Variants in USP2 observed in about 807,000 individuals in gnomAD.
USP2 encodes ubiquitin carboxyl-terminal hydrolase 2.
USP2 carries 33 observed loss-of-function variants against 72.0 expected under a neutral mutation model. The observed-to-expected ratio is 0.46, with a 90% CI of 0.35 to 0.61. The LOEUF (loss-of-function observed/expected upper bound fraction) is 0.61. Among genes scored for constraint, USP2 ranks in the 20% least tolerant of loss-of-function variants. USP2 has a pLI of 0.01. For synonymous variants in USP2, 296 were observed against 312.5 expected (o/e 0.95, Z 0.56); for missense variants, 691 against 797.8 (o/e 0.87, Z 1.61).
chr11:119,376,875 G>A (rs955366338), intron 1 of USP2, among the ~76,000 whole-genome samples: 1 of 152,264 alleles, frequency 6.6e-6, no homozygotes, highest in Non-Finnish European at 1.5e-5. Flanking sequence ...TCTTCTAGAT[G>A]TGCTTCATAC....
intron 2 of USP2, among the ~76,000 whole-genome samples, chr11:119,365,623 C>A (rs1950841767): frequency 6.6e-6 from 1 of 152,228 alleles, no homozygotes; most frequent in Non-Finnish European, 1.5e-5. Context: ...CATCACTCTT[C>A]TGTCCTGAAA....
In USP2 at chr11:119,358,023, C is replaced by A. The variant is rs1480440144; in HGVS notation, c.1380G>T (p.Arg460Ser). 7 of 1,614,162 alleles carry A rather than the reference C, an allele frequency of 4.3e-6. No individual in the cohort carries two copies. Among genetic ancestry groups the A allele is most frequent in the Non-Finnish European group, 5.9e-6 (7 of 1,180,042 alleles). The change falls in exon 9 of 13, where the codon AGG becomes AGT. Residue 460 changes from arginine to serine, a missense_variant. By Grantham distance (110) the Arg-to-Ser change is moderately radical. Transcript: ENST00000260187. Reference sequence around the variant, plus strand: ...CAAGCACATCCTCTTTGGTGAAGAGCCTCATGCAGTCCATTAATGTCACCT... The same window carrying A: ...CAAGCACATCCTCTTTGGTGAAGAGACTCATGCAGTCCATTAATGTCACCT... The part of the protein sequence containing the change: ...YPEVTLMDCM[R>S]LFTKEDVLDG...
intron 6 of USP2, 65 bp from the exon 7 acceptor site, chr11:119,358,902 T>C: frequency 3.8e-6 from 6 of 1,597,876 alleles, no homozygotes; most frequent in Non-Finnish European, 4.3e-6. Flanking sequence ...GGTCTGTCAA[T>C]TTTGATCCTT....
chr11:119,359,883 C>T (rs1359036770), intron 3 of USP2, among the ~76,000 whole-genome samples: 3 of 152,172 alleles, frequency 2.0e-5, no homozygotes, highest in Non-Finnish European at 4.4e-5. Flanking sequence ...TAGAGGTGCA[C>T]AAAAGGGCGT....
At chr11:119,378,593 A>T (rs945463077) in intron 1 of USP2, among the ~76,000 whole-genome samples, 1 of 152,130 alleles carries the variant, frequency 6.6e-6, no homozygotes, top group African/African-American at 2.4e-5. Flanking sequence ...AAGAGACTGG[A>T]GATTAAGGCA....
intron 1 of USP2, among the ~76,000 whole-genome samples, chr11:119,374,698 G>A (rs953601502): frequency 1.3e-5 from 2 of 152,170 alleles, no homozygotes; most frequent in African/African-American, 4.8e-5. Flanking sequence ...GAGCTGGAGT[G>A]GCAGAGGAGC....
At chr11:119,362,720 G>A (rs2135393790) in intron 2 of USP2, among the ~76,000 whole-genome samples, 2 of 152,334 alleles carry the variant, frequency 1.3e-5, no homozygotes, top group South Asian at 4.1e-4. Context: ...AACTGCAGAA[G>A]GTGGGAGACC....
In USP2 at chr11:119,363,046, G is replaced by A. The variant is rs116393325; in HGVS notation, c.775-2812C>T. Reference sequence around the variant, plus strand: ...CCGAGGTTTGTGTCTTCACACTTGAGACCCCAATCAAGGGCTTTCCCGCCT... The same window carrying A: ...CCGAGGTTTGTGTCTTCACACTTGAAACCCCAATCAAGGGCTTTCCCGCCT... On this transcript the variant is annotated intron_variant, in intron 2 of 12. Transcript: ENST00000260187. Among the ~76,000 whole-genome samples the A allele has an allele frequency of 3.1e-3, 472 of 152,342 alleles. 6 individuals carry two copies. The highest frequency in any genetic ancestry group is 0.011 in the African/African-American group (460 of 41,584).
chr11:119,376,268 A>G lies in USP2; in HGVS notation c.-41-2747T>C, dbSNP rs188587324. 1.6e-3 allele frequency: 1,535 copies of G among 985,646 alleles called. 15 individuals carry two copies. The African/African-American group carries it at 0.025, about 16-fold the overall frequency. The allele number at this position is 985,646 out of a possible 1,614,324, so 61.1% of individuals were successfully genotyped here. Reference sequence around the variant, plus strand: ...GGCCACAGAATGCACTATGGGCAGGAGAGCGGGCTGGGGCCCTGGCCGGAG... The same window carrying G: ...GGCCACAGAATGCACTATGGGCAGGGGAGCGGGCTGGGGCCCTGGCCGGAG... On this transcript the variant is annotated intron_variant, in intron 1 of 12. Coordinates refer to ENST00000260187, the MANE Select transcript of USP2 (RefSeq NM_004205.5).
intron 2 of USP2, among the ~76,000 whole-genome samples, chr11:119,369,905 G>A (rs1411004535): frequency 6.6e-6 from 1 of 152,138 alleles, no homozygotes. Context: ...TTGGCCAGGC[G>A]TGGTGGCTCA....
At chr11:119,376,264 C>T (rs1950999505) in intron 1 of USP2, 1 of 985,572 alleles carries the variant, frequency 1.0e-6, no homozygotes, top group African/African-American at 1.7e-5. Flanking sequence ...GCACTATGGG[C>T]AGGAGAGCGG....
intron 1 of USP2, among the ~76,000 whole-genome samples, chr11:119,378,307 CA>C (rs1951025393): frequency 7.8e-6 from 1 of 128,894 alleles, no homozygotes; most frequent in South Asian, 2.6e-4. Context: ...GTGTAGAGGA[CA>C]TGGGTAGAGT....
At chr11:119,362,580 GA>G (rs1342919925) in intron 2 of USP2, among the ~76,000 whole-genome samples, 1 of 152,158 alleles carries the variant, frequency 6.6e-6, no homozygotes, top group Non-Finnish European at 1.5e-5. Flanking sequence ...CTTCTGCCAA[GA>G]ATAGGAAATC....
chr11:119,359,270 G>A lies in USP2; in HGVS notation c.1022C>T (p.Thr341Ile). 1 of 1,614,004 alleles carries A rather than the reference G, an allele frequency of 6.2e-7. No homozygotes were observed. Residue 341 changes from threonine (T) to isoleucine (I), a missense_variant, in exon 5 of 13, where the codon ACC (threonine) becomes ATC (isoleucine). Physicochemically the swap from Thr to Ile is moderately conservative, Grantham distance 89. Transcript: ENST00000260187. ...GCGCGGTGCGTATCTCTGGATCTGG[G>A]TCTTGAACTCAGATGGGCTCACCAC... ...NDVVSPSEFKTQIQRYAPRFV... is the reference protein window; with the variant it reads ...NDVVSPSEFKIQIQRYAPRFV...
chr11:119,362,017 C>T (rs1950772189), intron 2 of USP2, among the ~76,000 whole-genome samples: 2 of 152,182 alleles, frequency 1.3e-5, no homozygotes, highest in South Asian at 4.1e-4. Context: ...TAAAGCTTGC[C>T]CACAACAGAA....
intron 1 of USP2, among the ~76,000 whole-genome samples, chr11:119,379,915 C>CTT (rs1300597322): frequency 2.1e-5 from 1 of 46,724 alleles, no homozygotes. Context: ...GTGTTCCTTT[C>CTT]TCTTTTTTTT....
chr11:119,357,227 T>G lies in USP2; in HGVS notation c.1690A>C (p.Ser564Arg). The change falls in exon 12 of 13, where the codon AGT becomes CGT. Residue 564 changes from serine to arginine, a missense_variant. Coordinates refer to ENST00000260187, the MANE Select transcript of USP2 (RefSeq NM_004205.5). ...GTGTGCCATTCTCCTGTCCCTGGAC[T>G]GCGACAGTAGGCTGTATAGTGGCCA... ...MGGHYTAYCR[S>R]PGTGEWHTFN... 6.2e-7 allele frequency: 1 copy of G among 1,613,686 alleles called. No homozygotes were observed. Among genetic ancestry groups the G allele is most frequent in the South Asian group, 1.1e-5 (1 of 91,070 alleles).
At chr11:119,381,371 G>T in intron 1 of USP2, 102 bp downstream of exon 1, 1 of 1,260,800 alleles carries the variant, frequency 7.9e-7, no homozygotes, top group Non-Finnish European at 1.1e-6. Flanking sequence ...TATTTCTAGT[G>T]TCCACTCTGC....
chr11:119,366,729 A>T (rs1296343369), intron 2 of USP2, among the ~76,000 whole-genome samples: 1 of 152,170 alleles, frequency 6.6e-6, no homozygotes. Flanking sequence ...CTGCTTTTGC[A>T]TGTTGAACAC....
Sources: allele counts gnomAD v4.1 joint callset (sites outside exome capture counted in the v4.1 genomes callset), GRCh38; gene constraint gnomAD v4.1.1; transcripts MANE v1.5; gene names NCBI Gene and HGNC (gene_info 2026-07-23, HGNC 2026-07-21).